CFAP20DC: variants seen among roughly 807,000 people sequenced by gnomAD.
CFAP20DC encodes protein CFAP20DC.
A neutral mutation model predicts 101.7 loss-of-function variants in CFAP20DC; 84 were observed. The ratio of observed to expected loss-of-function variants is 0.83; its 90% CI spans 0.69 to 0.99. The LOEUF is 0.99. CFAP20DC is among the 50% of genes least tolerant of loss of function. CFAP20DC has a pLI of 0.00. For synonymous variants in CFAP20DC, 359 were observed against 351.2 expected, an observed-to-expected ratio of 1.02 and a Z score of -0.25; for missense variants, 1,007 against 970.3, an observed-to-expected ratio of 1.04 and a Z score of -0.50.
intron 15 of CFAP20DC, among the ~76,000 whole-genome samples, chr3:58,768,930 T>C (rs1255489268): frequency 6.6e-6 from 1 of 152,172 alleles, no homozygotes; most frequent in Non-Finnish European, 1.5e-5. Context: ...AGGAAACACT[T>C]GGCATACTCA....
chr3:58,759,245 T>C (rs2069283906), intron 15 of CFAP20DC, among the ~76,000 whole-genome samples: 1 of 152,246 alleles, frequency 6.6e-6, no homozygotes, highest in Admixed American at 6.5e-5. Flanking sequence ...TGGTGTGAGA[T>C]GGTATCTCAT....
chr3:58,934,156 A>G (rs915813794), intron 5 of CFAP20DC, among the ~76,000 whole-genome samples: 7 of 152,236 alleles, frequency 4.6e-5, no homozygotes, highest in African/African-American at 1.7e-4. Context: ...CTATGCAAAT[A>G]AACTAGAAAA....
At chr3:58,810,019 T>C (rs1285421195) in intron 14 of CFAP20DC, among the ~76,000 whole-genome samples, 1 of 152,286 alleles carries the variant, frequency 6.6e-6, no homozygotes, top group South Asian at 2.1e-4. Flanking sequence ...GTTGAATCTC[T>C]GAATAGACCA....
At position 59,049,570 on chromosome 3, in the gene CFAP20DC, G is replaced by A. The variant is rs149989504; in HGVS notation, c.21+41C>T. The A allele has an allele frequency of 3.4e-4, 518 of 1,522,132 alleles. 2 individuals carry two copies. The highest frequency in any genetic ancestry group is 2.6e-3 in the East Asian group (106 of 40,854). The allele number at this position is 1,522,132 out of a possible 1,614,324, so 94.3% of individuals were successfully genotyped here. A position where few individuals can be genotyped will look rare whatever the true frequency, so the allele number is the denominator to read the frequency against. On this transcript the variant is annotated intron_variant, in intron 1 of 16. Transcript: ENST00000482387. ...CGATCACGGACTACCTCACCCAAGA[G>A]GAGAAAGGTATAGACAGGTTGGAGA...
At chr3:58,806,562 C>A in intron 14 of CFAP20DC, 106 bp from the exon 15 acceptor site, 205 of 759,076 alleles carry the variant, frequency 2.7e-4, no homozygotes, top group East Asian at 3.5e-4. Context: ...ACACAACCCA[C>A]AAGAAGGGTA....
chr3:58,736,017 T>C (rs147137847), intron 3 of CFAP20DC, among the ~76,000 whole-genome samples: 20 of 152,276 alleles, frequency 1.3e-4, no homozygotes, highest in Admixed American at 1.3e-3. Flanking sequence ...GTGATGTTCT[T>C]GAGAAGTACC....
intron 4 of CFAP20DC, among the ~76,000 whole-genome samples, chr3:59,023,207 C>A (rs1419080756): frequency 1.3e-5 from 2 of 151,124 alleles, no homozygotes; most frequent in Non-Finnish European, 2.9e-5. Context: ...AAGAACAACA[C>A]CAACAGTATA....
chr3:59,023,296 T>C (rs1399246388), intron 4 of CFAP20DC, among the ~76,000 whole-genome samples: 2 of 152,102 alleles, frequency 1.3e-5, no homozygotes, highest in African/African-American at 4.8e-5. Flanking sequence ...CTAGGTGCTG[T>C]ACGGATTATA....
intron 4 of CFAP20DC, among the ~76,000 whole-genome samples, chr3:58,974,138 GA>G (rs952875339): frequency 1.3e-5 from 2 of 152,152 alleles, no homozygotes; most frequent in Non-Finnish European, 2.9e-5. Flanking sequence ...GGGTACATGT[GA>G]AAGTTTGTTA....
At chr3:58,879,727 A>G (rs931197556) in intron 7 of CFAP20DC, among the ~76,000 whole-genome samples, 1 of 152,130 alleles carries the variant, frequency 6.6e-6, no homozygotes, top group Non-Finnish European at 1.5e-5. Flanking sequence ...GATGTGACAG[A>G]AAGAGTGTCT....
intron 5 of CFAP20DC, among the ~76,000 whole-genome samples, chr3:58,919,389 T>C (rs1333888774): frequency 1.3e-5 from 2 of 152,204 alleles, no homozygotes; most frequent in African/African-American, 2.4e-5. Context: ...TTGGTATCTG[T>C]GCCAATACCA....
At chr3:58,846,470 C>T (rs542713086) in intron 13 of CFAP20DC, among the ~76,000 whole-genome samples, 1 of 149,496 alleles carries the variant, frequency 6.7e-6, no homozygotes, top group African/African-American at 2.6e-5. Flanking sequence ...ATGTGAAGGA[C>T]CTCTTCAGGG....
intron 15 of CFAP20DC, among the ~76,000 whole-genome samples, chr3:58,771,192 T>C (rs941685353): frequency 1.3e-5 from 2 of 150,896 alleles, no homozygotes; most frequent in Non-Finnish European, 3.0e-5. Context: ...TAAGTGGGAG[T>C]TGAATAATGA....
chr3:58,742,029 A>AT lies in CFAP20DC; in HGVS notation c.*430dup. The AT allele has an allele frequency of 1.1e-6, 1 of 948,964 alleles. No individual in the cohort carries two copies. The highest frequency in any genetic ancestry group is 1.3e-6 in the Non-Finnish European group (1 of 796,290). 58.8% of individuals were successfully genotyped at this position (948,964 alleles called of 1,614,324 possible). A position where few individuals can be genotyped will look rare whatever the true frequency, so the allele number is the denominator to read the frequency against. ...GCTATTCTTCTTACCATCATACTTT[A>AT]TTTTTAATACAAATGCCATAAAATA... On this transcript the variant is annotated 3_prime_UTR_variant, in exon 17 of 17. Coordinates refer to ENST00000482387, the MANE Select transcript of CFAP20DC (RefSeq NM_001394063.1).
intron 12 of CFAP20DC, chr3:58,862,195 T>C (rs955719105): frequency 2.0e-6 from 2 of 979,786 alleles, no homozygotes; most frequent in Non-Finnish European, 2.4e-6. Context: ...GTAATGCTTT[T>C]GCATTAGTAA....
intron 5 of CFAP20DC, among the ~76,000 whole-genome samples, chr3:58,936,641 G>A (rs1449658471): frequency 6.6e-6 from 1 of 152,158 alleles, no homozygotes; most frequent in African/African-American, 2.4e-5. Flanking sequence ...GGATGAAGCT[G>A]GAAACCATCA....
intron 6 of CFAP20DC, among the ~76,000 whole-genome samples, chr3:58,902,892 GT>G (rs896010972): frequency 1.3e-5 from 2 of 151,882 alleles, no homozygotes; most frequent in African/African-American, 4.8e-5. Flanking sequence ...TTGTTATATT[GT>G]TTTTTTAATT....
rs566018253 is a variant in CFAP20DC, at chr3:58,842,313, G to A, written c.1971+6719C>T. On this transcript the variant is annotated intron_variant, in intron 13 of 16. Coordinates refer to ENST00000482387, the MANE Select transcript of CFAP20DC (RefSeq NM_001394063.1). ...GCGCAGGCCAGTGGGTGCGCGCACC[G>A]TGCGCGAGCTGAAGCAGGGCGAGGC... 2.6e-4 allele frequency among the ~76,000 whole-genome samples: 40 copies of A among 152,178 alleles called. 1 individual carries two copies. The highest frequency in any genetic ancestry group is 2.4e-4 in the African/African-American group (10 of 41,436).
chr3:58,868,061 T>C lies in CFAP20DC; in HGVS notation c.1016-125A>G, dbSNP rs969577384. ...GTATAATTTTGACATAATGTGAAGA[T>C]ACATCAAAAATACAACTTCATAGAA... On this transcript the variant is annotated intron_variant, in intron 9 of 16. Coordinates refer to ENST00000482387, the MANE Select transcript of CFAP20DC (RefSeq NM_001394063.1). This position sits in a 1 kb window ranked among gnomAD's most constrained non-coding sequence, Gnocchi z 4.6. The C allele has an allele frequency of 9.0e-6, 10 of 1,113,490 alleles. No homozygotes were observed. The highest frequency in any genetic ancestry group is 3.2e-5 in the African/African-American group (2 of 62,066). 69.0% of individuals were successfully genotyped at this position (1,113,490 alleles called of 1,614,324 possible).
Sources: allele counts gnomAD v4.1 joint callset (sites outside exome capture counted in the v4.1 genomes callset), GRCh38; gene constraint gnomAD v4.1.1; non-coding constraint Gnocchi (gnomAD v3.1); transcripts MANE v1.5; gene names NCBI Gene and HGNC (gene_info 2026-07-23, HGNC 2026-07-21).